Variants in CCDC170 observed in about 807,000 individuals in gnomAD.
CCDC170 encodes coiled-coil domain containing 170.
A neutral mutation model predicts 72.6 loss-of-function variants in CCDC170; 69 were observed. The ratio of observed to expected loss-of-function variants is 0.95; its 90% confidence interval spans 0.78 to 1.16. The LOEUF (loss-of-function observed/expected upper bound fraction) is 1.16. CCDC170 is among the 50% of genes most tolerant of loss of function. The probability of loss-of-function intolerance (pLI) is 0.00; values close to 1 mark genes in which losing one functional copy is unlikely to be tolerated. For missense variants in CCDC170, 852 were observed against 832.5 expected (o/e 1.02, Z -0.29); for synonymous variants, 300 against 303.9 (o/e 0.99, Z 0.13).
At chr6:151,566,356 C>T (rs971282579) in intron 5 of CCDC170, among the ~76,000 whole-genome samples, 1 of 152,110 alleles carries the variant, frequency 6.6e-6, no homozygotes, top group Non-Finnish European at 1.5e-5. Flanking sequence ...AAGACTTTTG[C>T]CATTCTCCTT....
intron 1 of CCDC170, among the ~76,000 whole-genome samples, chr6:151,531,029 A>G (rs1188917853): frequency 2.6e-5 from 4 of 152,172 alleles, no homozygotes; most frequent in Admixed American, 2.6e-4. Flanking sequence ...CACATTTAAA[A>G]AATTTGTTGT....
At chr6:151,587,226 G>A (rs1485851881) in intron 7 of CCDC170, among the ~76,000 whole-genome samples, 5 of 152,122 alleles carry the variant, frequency 3.3e-5, no homozygotes, top group Non-Finnish European at 5.9e-5. Flanking sequence ...CTGAGGATTC[G>A]AATGTGGGGA....
chr6:151,541,821 A>C (rs1782694501), intron 3 of CCDC170, among the ~76,000 whole-genome samples: 1 of 147,060 alleles, frequency 6.8e-6, no homozygotes, highest in Admixed American at 6.8e-5. Context: ...AAATATATAT[A>C]TGTATATATA....
chr6:151,603,185 C>T (rs1195413180), intron 9 of CCDC170, among the ~76,000 whole-genome samples: 1 of 152,156 alleles, frequency 6.6e-6, no homozygotes, highest in Non-Finnish European at 1.5e-5. Context: ...ACCAACTGCT[C>T]ATGATGCAAG....
At chr6:151,533,734 C>A (rs1782530311) in intron 1 of CCDC170, among the ~76,000 whole-genome samples, 1 of 151,250 alleles carries the variant, frequency 6.6e-6, no homozygotes, top group South Asian at 2.1e-4. Context: ...CATCTGAAGT[C>A]ATTTTCCTTT....
chr6:151,548,906 G>GTT (rs71014596), intron 5 of CCDC170, among the ~76,000 whole-genome samples: 8 of 148,872 alleles, frequency 5.4e-5, no homozygotes, highest in Admixed American at 1.3e-4. Flanking sequence ...TTGTTTGTTT[G>GTT]TTTTTTTTGT....
intron 8 of CCDC170, among the ~76,000 whole-genome samples, chr6:151,594,535 T>C (rs1776591789): frequency 6.6e-6 from 1 of 152,154 alleles, no homozygotes; most frequent in African/African-American, 2.4e-5. Flanking sequence ...GCTCAGATAA[T>C]TGATTCTTTT....
intron 9 of CCDC170, among the ~76,000 whole-genome samples, chr6:151,612,234 C>G (rs968930812): frequency 2.6e-5 from 4 of 152,062 alleles, no homozygotes; most frequent in African/African-American, 9.7e-5. Flanking sequence ...AGAACAGGCT[C>G]ACTTGTGCCA....
At chr6:151,512,087 C>T (rs1310863735) in intron 1 of CCDC170, among the ~76,000 whole-genome samples, 1 of 151,928 alleles carries the variant, frequency 6.6e-6, no homozygotes, top group Admixed American at 6.6e-5. Flanking sequence ...ATAAGCAATC[C>T]TCTTATCTCA....
At chr6:151,548,527 T>G (rs1433260117) in intron 5 of CCDC170, 38 bp downstream of exon 5, 1 of 1,442,032 alleles carries the variant, frequency 6.9e-7, no homozygotes, top group Non-Finnish European at 9.2e-7. Flanking sequence ...TCTGGGACCA[T>G]GTTGAAGAAG....
chr6:151,516,550 T>A (rs1782239043), intron 1 of CCDC170, among the ~76,000 whole-genome samples: 1 of 152,146 alleles, frequency 6.6e-6, no homozygotes, highest in Non-Finnish European at 1.5e-5. Context: ...ACCCAGGGTT[T>A]GTCATCTCGC....
intron 9 of CCDC170, among the ~76,000 whole-genome samples, chr6:151,614,766 G>A (rs1411674308): frequency 6.6e-6 from 1 of 151,380 alleles, no homozygotes; most frequent in East Asian, 1.9e-4. Flanking sequence ...AATTCTTTTT[G>A]TAAGTAACTC....
chr6:151,608,387 TTG>T (rs1776817647), intron 9 of CCDC170, among the ~76,000 whole-genome samples: 1 of 152,258 alleles, frequency 6.6e-6, no homozygotes, highest in African/African-American at 2.4e-5. Flanking sequence ...TTCATGTGTC[TTG>T]TGTCCCTACA....
At chr6:151,592,069 A>C (rs113496016) in intron 7 of CCDC170, among the ~76,000 whole-genome samples, 18 of 152,202 alleles carry the variant, frequency 1.2e-4, no homozygotes, top group African/African-American at 4.1e-4. Flanking sequence ...CTGCTGACAA[A>C]GACATAGGCT....
chr6:151,578,140 G>A (rs562759572), intron 6 of CCDC170, among the ~76,000 whole-genome samples: 7 of 152,282 alleles, frequency 4.6e-5, no homozygotes, highest in South Asian at 4.2e-4. Context: ...TATGTTGTGC[G>A]GTTGCTCCGG....
At chr6:151,554,116 A>G (rs897994212) in intron 5 of CCDC170, among the ~76,000 whole-genome samples, 5 of 152,228 alleles carry the variant, frequency 3.3e-5, no homozygotes, top group Non-Finnish European at 4.4e-5. Context: ...TTAGTAGTTC[A>G]TATTGAAGTA....
In CCDC170 at chr6:151,544,803, G is replaced by C. The variant is rs1020085273; in HGVS notation, c.588+87G>C. On this transcript the variant is annotated intron_variant, in intron 4 of 10. Transcript: ENST00000239374. ...AGGAAGTGCTGTGGTTGAGTTTGGG[G>C]GTGGCAGGAGAATGGCACAGTAGAC... 2.9e-6 allele frequency: 4 copies of C among 1,387,018 alleles called. No homozygotes were observed. The Admixed American group carries it at 7.9e-5, about 27-fold the overall frequency. 85.9% of individuals were successfully genotyped at this position (1,387,018 alleles called of 1,614,324 possible).
Position 151,615,391 on chromosome 6 carries a change from G to A in CCDC170, c.1711-52G>A, listed in dbSNP as rs1431128513. ...ACTTCTGATTTGTCATGTTTATACA[G>A]TTTTCCTAACTAAATACAAAAGGAG... On this transcript the variant is annotated intron_variant, in intron 9 of 10. Transcript: ENST00000239374. The A allele has an allele frequency of 1.2e-5, 15 of 1,274,870 alleles. No homozygotes were observed. The Admixed American group carries it at 1.6e-4, about 14-fold the overall frequency. 79.0% of individuals were successfully genotyped at this position (1,274,870 alleles called of 1,614,324 possible).
chr6:151,594,170 A>G (rs777413316), intron 8 of CCDC170, among the ~76,000 whole-genome samples: 4 of 152,232 alleles, frequency 2.6e-5, no homozygotes, highest in Non-Finnish European at 5.9e-5. Context: ...ACACAGATGT[A>G]TTCTTATAAT....
Sources: allele counts gnomAD v4.1 joint callset (sites outside exome capture counted in the v4.1 genomes callset), GRCh38; gene constraint gnomAD v4.1.1; transcripts MANE v1.5; gene names NCBI Gene and HGNC (gene_info 2026-07-23, HGNC 2026-07-21).